Variants in BRK1 observed in about 807,000 individuals in gnomAD.
BRK1 encodes BRICK1 subunit of SCAR/WAVE actin nucleating complex.
BRK1 carries 6 observed loss-of-function variants against 9.9 expected under a neutral mutation model. The observed-to-expected ratio is 0.60, with a 90% CI of 0.33 to 1.19. The LOEUF is 1.19. BRK1 is among the 50% of genes most tolerant of loss of function. The pLI is 0.04. For missense variants in BRK1, 62 were observed against 97.5 expected (o/e 0.64, Z 1.53); for synonymous variants, 44 against 31.9 (o/e 1.38, Z -1.28).
intron 1 of BRK1, among the ~76,000 whole-genome samples, chr3:10,124,433 C>T (rs997266653): frequency 4.0e-5 from 6 of 151,688 alleles, no homozygotes; most frequent in African/African-American, 1.5e-4. Context: ...GCACTCCAGC[C>T]TGGAAACAGA....
At position 10,124,511 on chromosome 3, in the gene BRK1, A is replaced by G. The variant is rs183117213; in HGVS notation, c.119-1115A>G. Among the ~76,000 whole-genome samples, 9 of 152,270 alleles carry G rather than the reference A, an allele frequency of 5.9e-5. No individual in the cohort carries two copies. In the East Asian group the frequency reaches 1.5e-3, roughly 26 times the overall value. On this transcript the variant is annotated intron_variant, in intron 1 of 2. Coordinates refer to ENST00000530758, the MANE Select transcript of BRK1 (RefSeq NM_018462.5). ...CCACACATTTTGTGGCTTAAACCAC[A>G]TACATTTATTATTTACCATGTGTAG...
At chr3:10,126,024 G>C (rs1695834873) in intron 2 of BRK1, among the ~76,000 whole-genome samples, 1 of 152,000 alleles carries the variant, frequency 6.6e-6, no homozygotes, top group Admixed American at 6.6e-5. Flanking sequence ...CTGGGAGGTG[G>C]AGGTTGCAGT....
chr3:10,124,784 T>G (rs867517226), intron 1 of BRK1, among the ~76,000 whole-genome samples: 6 of 152,178 alleles, frequency 3.9e-5, no homozygotes, highest in Non-Finnish European at 5.9e-5. Flanking sequence ...CTCTGTTTTG[T>G]TGCTGGCTGT....
At chr3:10,121,334 CAG>C (rs1323113469) in intron 1 of BRK1, among the ~76,000 whole-genome samples, 4 of 152,066 alleles carry the variant, frequency 2.6e-5, no homozygotes, top group African/African-American at 7.2e-5. Flanking sequence ...TGGAAAGTGG[CAG>C]AGTTGGGCTG....
At chr3:10,125,759 T>C (rs1695831178) in intron 2 of BRK1, 51 bp downstream of exon 2, 5 of 1,353,614 alleles carry the variant, frequency 3.7e-6, no homozygotes, top group Admixed American at 4.0e-5. Flanking sequence ...TTTCCACTTA[T>C]TGCTGAAAAA....
At chr3:10,120,901 G>A (rs1278943602) in intron 1 of BRK1, among the ~76,000 whole-genome samples, 1 of 152,116 alleles carries the variant, frequency 6.6e-6, no homozygotes, top group East Asian at 1.9e-4. Flanking sequence ...TGTCTTCATG[G>A]GAAATGGCAG....
rs185190271 is a variant in BRK1 at position 10,120,098 on chromosome 3, C to T, written c.118+4279C>T. 4.9e-3 allele frequency among the ~76,000 whole-genome samples: 749 copies of T among 151,850 alleles called. 3 individuals carry two copies. Among genetic ancestry groups the T allele is most frequent in the African/African-American group, 0.017 (708 of 41,380 alleles). Reference sequence around the variant, plus strand: ...AGGCTGGAGTGCAGTGGTGCAATCTCGGCTCACTGCAACCTCCGCCTCCCG... The same window carrying T: ...AGGCTGGAGTGCAGTGGTGCAATCTTGGCTCACTGCAACCTCCGCCTCCCG... On this transcript the variant is annotated intron_variant, in intron 1 of 2. Coordinates refer to ENST00000530758, the MANE Select transcript of BRK1 (RefSeq NM_018462.5).
chr3:10,119,034 C>T (rs1290400566), intron 1 of BRK1, among the ~76,000 whole-genome samples: 3 of 150,246 alleles, frequency 2.0e-5, no homozygotes, highest in South Asian at 2.1e-4. Context: ...TTTTTTGAGA[C>T]GGAGTCTTGT....
chr3:10,126,455 G>C lies in BRK1; in HGVS notation c.*160G>C. ...TGTGGCCTTTGGGCTCTGCCATCTG[G>C]GGTGTGGTGTGGTATGTGGGAAGAA... On this transcript the variant is annotated 3_prime_UTR_variant, in exon 3 of 3. Coordinates refer to ENST00000530758, the MANE Select transcript of BRK1 (RefSeq NM_018462.5). 1 of 617,950 alleles carries C rather than the reference G, an allele frequency of 1.6e-6. No homozygotes were observed. Among genetic ancestry groups the C allele is most frequent in the Non-Finnish European group, 2.7e-6 (1 of 364,494 alleles). 38.3% of individuals were successfully genotyped at this position (617,950 alleles called of 1,614,324 possible).
chr3:10,119,143 CA>C (rs74416793), intron 1 of BRK1, among the ~76,000 whole-genome samples: 761 of 67,440 alleles, frequency 0.011, 2 homozygotes, highest in Non-Finnish European at 0.016. Flanking sequence ...GACTCCATCT[CA>C]AAAAAAAAAA....
intron 1 of BRK1, among the ~76,000 whole-genome samples, chr3:10,124,381 A>C (rs1575908675): frequency 6.6e-6 from 1 of 151,090 alleles, no homozygotes. Flanking sequence ...AATCGCTTGA[A>C]CCCGGGAGGC....
chr3:10,118,259 A>C (rs1695712700), intron 1 of BRK1, among the ~76,000 whole-genome samples: 1 of 151,918 alleles, frequency 6.6e-6, no homozygotes, highest in East Asian at 1.9e-4. Context: ...CTCCAAAAAA[A>C]AAAAAAAAAA....
chr3:10,125,562 TTG>T (rs1695827403), intron 1 of BRK1, 62 bp from the exon 2 acceptor site: 9 of 941,242 alleles, frequency 9.6e-6, no homozygotes, highest in Admixed American at 6.4e-5. Flanking sequence ...ATTGTAGGTG[TTG>T]TGTGTGTCTG....
chr3:10,124,275 A>T (rs1217714757), intron 1 of BRK1, among the ~76,000 whole-genome samples: 1 of 151,170 alleles, frequency 6.6e-6, no homozygotes. Flanking sequence ...CAACATGGTG[A>T]AACCCCGTCT....
At chr3:10,123,687 C>T (rs1695795227) in intron 1 of BRK1, among the ~76,000 whole-genome samples, 1 of 144,222 alleles carries the variant, frequency 6.9e-6, no homozygotes, top group Non-Finnish European at 1.5e-5. Flanking sequence ...ACTGCCTTGG[C>T]CTCACAAAGT....
chr3:10,124,425 A>G (rs1575908714), intron 1 of BRK1, among the ~76,000 whole-genome samples: 1 of 151,900 alleles, frequency 6.6e-6, no homozygotes, highest in African/African-American at 2.4e-5. Flanking sequence ...GCGTCACTGC[A>G]CTCCAGCCTG....
At chr3:10,119,143 C>CAAA (rs74416793) in intron 1 of BRK1, among the ~76,000 whole-genome samples, 5 of 67,422 alleles carry the variant, frequency 7.4e-5, no homozygotes, top group African/African-American at 9.7e-5. Context: ...GACTCCATCT[C>CAAA]AAAAAAAAAA....
intron 1 of BRK1, among the ~76,000 whole-genome samples, chr3:10,120,470 C>A (rs1004863784): frequency 2.0e-5 from 3 of 152,162 alleles, no homozygotes; most frequent in African/African-American, 4.8e-5. Context: ...GCTGGGATTA[C>A]AGGTGTGAAC....
At chr3:10,124,681 G>C (rs541578628) in intron 1 of BRK1, among the ~76,000 whole-genome samples, 14 of 152,108 alleles carry the variant, frequency 9.2e-5, no homozygotes, top group African/African-American at 3.4e-4. Flanking sequence ...CAGCAGGACT[G>C]CCTTCCTTTC....
Sources: gnomAD v4.1 joint callset for allele counts (sites outside exome capture counted in the v4.1 genomes callset) on GRCh38, gnomAD v4.1.1 for gene constraint, MANE v1.5 for transcripts, NCBI Gene and HGNC (gene_info 2026-07-23, HGNC 2026-07-21) for gene names.